Variants in NDST4 observed in about 807,000 individuals in gnomAD.
NDST4 encodes the protein N-deacetylase and N-sulfotransferase 4.
In NDST4, 63 loss-of-function variants were observed where a neutral mutation model predicts 100.8. That is an observed-to-expected ratio of 0.62 (90% CI 0.51 to 0.77). The LOEUF is 0.77. Among genes scored for constraint, NDST4 ranks in the 30% least tolerant of loss-of-function variants. The probability of loss-of-function intolerance (pLI) is 0.00; values close to 1 mark genes in which losing one functional copy is unlikely to be tolerated. For synonymous variants in NDST4, 377 were observed against 361.8 expected, an observed-to-expected ratio of 1.04 and a Z score of -0.48; for missense variants, 943 against 1,018.4, an observed-to-expected ratio of 0.93 and a Z score of 1.01.
chr4:114,970,290 G>A (rs1239183989), intron 4 of NDST4, 140 bp downstream of exon 4: 11 of 655,254 alleles, frequency 1.7e-5, no homozygotes, highest in East Asian at 2.9e-5. Context: ...AAAGTTATAT[G>A]TACCCTCAAT....
chr4:114,890,602 GCAATAGTT>G (rs1400706249), intron 6 of NDST4, among the ~76,000 whole-genome samples: 2 of 152,060 alleles, frequency 1.3e-5, no homozygotes, highest in Non-Finnish European at 2.9e-5. Flanking sequence ...GCAGTGCTAA[GCAATAGTT>G]AGAGATTTCT....
At chr4:115,030,426 G>A (rs1054309012) in intron 2 of NDST4, among the ~76,000 whole-genome samples, 1 of 152,014 alleles carries the variant, frequency 6.6e-6, no homozygotes, top group Admixed American at 6.6e-5. Flanking sequence ...GAAACTGCCA[G>A]TTTGAACTTA....
intron 7 of NDST4, among the ~76,000 whole-genome samples, chr4:114,859,372 G>T (rs1483426867): frequency 6.6e-6 from 1 of 152,200 alleles, no homozygotes; most frequent in African/African-American, 2.4e-5. Flanking sequence ...AGCAGCAATT[G>T]TGTTATAGTT....
chr4:114,876,785 T>A (rs1724262636), intron 6 of NDST4, among the ~76,000 whole-genome samples: 1 of 152,202 alleles, frequency 6.6e-6, no homozygotes, highest in Admixed American at 6.5e-5. Context: ...TTCCAATGAA[T>A]CATTAATTAA....
chr4:114,978,992 A>G (rs1053174475), intron 2 of NDST4, among the ~76,000 whole-genome samples: 1 of 152,088 alleles, frequency 6.6e-6, no homozygotes, highest in Non-Finnish European at 1.5e-5. Context: ...ACTATTACTG[A>G]TAACTGAGTC....
intron 2 of NDST4, among the ~76,000 whole-genome samples, chr4:115,068,641 CAAAAA>C (rs368916587): frequency 7.2e-6 from 1 of 138,182 alleles, no homozygotes; most frequent in Admixed American, 7.3e-5. Flanking sequence ...ACCCCATCTC[CAAAAA>C]AAAAAAAAAA....
intron 2 of NDST4, among the ~76,000 whole-genome samples, chr4:115,004,273 A>G (rs1384880341): frequency 6.6e-6 from 1 of 152,298 alleles, no homozygotes; most frequent in East Asian, 1.9e-4. Flanking sequence ...GCCTGACAAC[A>G]CTTAATTATT....
At chr4:114,910,062 C>T (rs144108816) in intron 6 of NDST4, among the ~76,000 whole-genome samples, 40 of 152,150 alleles carry the variant, frequency 2.6e-4, no homozygotes, top group African/African-American at 9.2e-4. Context: ...TCATCCAAAA[C>T]GCCAAGGGAG....
chr4:115,016,252 G>A (rs1213220887), intron 2 of NDST4, among the ~76,000 whole-genome samples: 1 of 152,026 alleles, frequency 6.6e-6, no homozygotes, highest in Non-Finnish European at 1.5e-5. Flanking sequence ...ACAGCACCAA[G>A]TAGGTGGCAA....
At chr4:114,961,076 A>T (rs1726252293) in intron 4 of NDST4, among the ~76,000 whole-genome samples, 1 of 152,078 alleles carries the variant, frequency 6.6e-6, no homozygotes, top group Admixed American at 6.5e-5. Context: ...GATTCTGAGA[A>T]GTTAAAATGT....
intron 6 of NDST4, among the ~76,000 whole-genome samples, chr4:114,908,767 T>C (rs972129475): frequency 4.6e-5 from 7 of 152,204 alleles, no homozygotes; most frequent in African/African-American, 1.4e-4. Flanking sequence ...TTCAAAGCTT[T>C]TTTCTTAAAC....
intron 4 of NDST4, among the ~76,000 whole-genome samples, chr4:114,969,999 T>C (rs1398117108): frequency 6.6e-6 from 1 of 152,182 alleles, no homozygotes; most frequent in Admixed American, 6.5e-5. Flanking sequence ...TTTTAATAAC[T>C]GTTATTCTGA....
chr4:114,919,449 G>C (rs1725243563), intron 6 of NDST4, among the ~76,000 whole-genome samples: 2 of 152,164 alleles, frequency 1.3e-5, no homozygotes. Flanking sequence ...GAAGAAATCA[G>C]GTTTCCAAAT....
chr4:115,051,524 C>T (rs978551887), intron 2 of NDST4, among the ~76,000 whole-genome samples: 4 of 152,046 alleles, frequency 2.6e-5, no homozygotes, highest in Admixed American at 2.6e-4. Context: ...ATTTGTCTTT[C>T]TGTGCTTGGC....
chr4:115,083,750 TC>T (rs899492160), intron 1 of NDST4, among the ~76,000 whole-genome samples: 10 of 151,948 alleles, frequency 6.6e-5, no homozygotes, highest in Non-Finnish European at 1.0e-4. Context: ...ATAAGGAGCT[TC>T]CCCCCTTTGT....
intron 6 of NDST4, among the ~76,000 whole-genome samples, chr4:114,897,639 A>G (rs1158108279): frequency 6.6e-6 from 1 of 152,194 alleles, no homozygotes; most frequent in African/African-American, 2.4e-5. Flanking sequence ...GTTTAGTTTC[A>G]TAAGAAACAA....
chr4:115,107,830 TTCTG>T lies in NDST4; in HGVS notation c.-247+5610_-247+5613del, dbSNP rs5861203. 5.4e-3 allele frequency among the ~76,000 whole-genome samples: 821 copies of T among 152,200 alleles called. 6 individuals carry two copies. Among genetic ancestry groups the T allele is most frequent in the African/African-American group, 8.5e-3 (354 of 41,564 alleles). ...GAGCAAAAGTAAAAAAGCTATTTTT[TTCTG>T]TCTAAGGTGAAAAATATGTCCAGAC... On this transcript the variant is annotated intron_variant, in intron 1 of 13. Coordinates refer to ENST00000264363, the MANE Select transcript of NDST4 (RefSeq NM_022569.3).
chr4:114,980,428 G>A (rs1225852712), intron 2 of NDST4, among the ~76,000 whole-genome samples: 1 of 152,134 alleles, frequency 6.6e-6, no homozygotes, highest in Non-Finnish European at 1.5e-5. Flanking sequence ...GATCTTTTGA[G>A]GTCAGAAGTT....
chr4:114,986,813 TATATATATATATATATA>T (rs1726917429), intron 2 of NDST4, among the ~76,000 whole-genome samples: 3 of 122,912 alleles, frequency 2.4e-5, no homozygotes, highest in Admixed American at 1.7e-4. Flanking sequence ...TATATATATA[TATATATATATATATATA>T]TATTTTAATA....
Sources: allele counts gnomAD v4.1 joint callset (sites outside exome capture counted in the v4.1 genomes callset), GRCh38; gene constraint gnomAD v4.1.1; transcripts MANE v1.5; gene names NCBI Gene and HGNC (gene_info 2026-07-23, HGNC 2026-07-21).